ZPLD1: variants seen among roughly 807,000 people sequenced by gnomAD.
ZPLD1 encodes the protein zona pellucida-like domain-containing protein 1.
A neutral mutation model predicts 47.2 loss-of-function variants in ZPLD1; 34 were observed. The observed-to-expected ratio is 0.72, with a 90% CI of 0.55 to 0.96. The LOEUF (loss-of-function observed/expected upper bound fraction) is 0.96. Ranked by LOEUF, ZPLD1 falls within the 40% of genes least tolerant of loss-of-function variation. The pLI, the probability that ZPLD1 is intolerant of heterozygous loss-of-function variation, is 0.00. For synonymous variants in ZPLD1, 176 were observed against 186.2 expected, an observed-to-expected ratio of 0.95 and a Z score of 0.45; for missense variants, 512 against 505.8, an observed-to-expected ratio of 1.01 and a Z score of -0.12.
chr3:102,444,317 A>G (rs1474983466), intron 3 of ZPLD1, among the ~76,000 whole-genome samples: 2 of 152,194 alleles, frequency 1.3e-5, no homozygotes, highest in African/African-American at 4.8e-5. Flanking sequence ...AACGAGAAAC[A>G]GATGTTGTGA....
chr3:102,450,464 AC>A (rs1214090796), intron 3 of ZPLD1, among the ~76,000 whole-genome samples: 2 of 152,160 alleles, frequency 1.3e-5, no homozygotes, highest in Non-Finnish European at 2.9e-5. Flanking sequence ...GCATTTAAAG[AC>A]ATGAAAAATG....
chr3:102,406,366 C>T (rs1254086816), intron 7 of ZPLD1, among the ~76,000 whole-genome samples: 1 of 151,874 alleles, frequency 6.6e-6, no homozygotes, highest in East Asian at 1.9e-4. Context: ...CCTGTAATTG[C>T]AATATGTAAT....
chr3:102,407,442 T>TATATATATATATAC (rs1553708474), intron 7 of ZPLD1, among the ~76,000 whole-genome samples: 14 of 95,498 alleles, frequency 1.5e-4, no homozygotes, highest in Non-Finnish European at 2.2e-4. Context: ...TATATATATA[T>TATATATATATATAC]ACACACATAT....
chr3:102,463,777 C>T (rs910955880), intron 7 of ZPLD1, among the ~76,000 whole-genome samples: 4 of 151,776 alleles, frequency 2.6e-5, no homozygotes, highest in African/African-American at 7.3e-5. Context: ...CGGTGGCTCA[C>T]GCCTGTAATC....
At chr3:102,390,053 AC>A (rs1386378250) in intron 6 of ZPLD1, among the ~76,000 whole-genome samples, 1 of 152,124 alleles carries the variant, frequency 6.6e-6, no homozygotes, top group Non-Finnish European at 1.5e-5. Context: ...AATGTGTTAC[AC>A]CCTCCTTATG....
intron 6 of ZPLD1, among the ~76,000 whole-genome samples, chr3:102,387,088 T>A (rs1576120023): frequency 6.6e-6 from 1 of 152,286 alleles, no homozygotes. Context: ...TGTGTACTGG[T>A]TACTTCTGAT....
chr3:102,448,545 C>G (rs183918908), intron 3 of ZPLD1, among the ~76,000 whole-genome samples: 1 of 152,306 alleles, frequency 6.6e-6, no homozygotes, highest in Admixed American at 6.5e-5. Context: ...ATGTGTTTCT[C>G]TGAACACTAG....
upstream of ZPLD1, among the ~76,000 whole-genome samples, chr3:102,430,426 T>A (rs1477841247): frequency 6.6e-6 from 1 of 152,240 alleles, no homozygotes; most frequent in African/African-American, 2.4e-5. Context: ...GATTATTAAT[T>A]TAATAACTCC....
chr3:102,438,697 A>G, intron 3 of ZPLD1, 104 bp downstream of exon 3: 1 of 746,742 alleles, frequency 1.3e-6, no homozygotes, highest in African/African-American at 1.8e-5. Flanking sequence ...CTATCTCTTT[A>G]CATTAAGTGG....
intron 3 of ZPLD1, among the ~76,000 whole-genome samples, chr3:102,442,254 T>A (rs536697749): frequency 2.0e-5 from 3 of 151,908 alleles, no homozygotes; most frequent in Non-Finnish European, 2.9e-5. Flanking sequence ...CTTTAGGTAC[T>A]ATCTGGCTTA....
chr3:102,478,914 A>C lies in ZPLD1; in HGVS notation c.*1296A>C, dbSNP rs1707799505. 6.6e-6 allele frequency: 1 copy of C among 152,192 alleles called. No homozygotes were observed. Among genetic ancestry groups the C allele is most frequent in the South Asian group, 2.1e-4 (1 of 4,834 alleles). 9.4% of individuals were successfully genotyped at this position (152,192 alleles called of 1,614,324 possible). A position where few individuals can be genotyped will look rare whatever the true frequency, so the allele number is the denominator to read the frequency against. On this transcript the variant is annotated 3_prime_UTR_variant, in exon 12 of 12. Transcript: ENST00000466937. ...CTATAAGCAATTGCTGTAATCACTA[A>C]TTTCTATTCAACATTTGTGACCCAT... is the stretch of plus-strand genomic sequence containing the variant.
At chr3:102,437,419 GATTA>G (rs1707107029) in intron 2 of ZPLD1, among the ~76,000 whole-genome samples, 1 of 152,092 alleles carries the variant, frequency 6.6e-6, no homozygotes, top group Non-Finnish European at 1.5e-5. Context: ...CTAAAGACTT[GATTA>G]ATTATCTAAG....
chr3:102,391,587 G>A (rs572056611), intron 6 of ZPLD1, among the ~76,000 whole-genome samples: 56 of 152,172 alleles, frequency 3.7e-4, no homozygotes, highest in African/African-American at 1.3e-3. Flanking sequence ...ACCCCGTGGA[G>A]GAGCCACTGG....
At chr3:102,398,840 A>C (rs981727541) in intron 7 of ZPLD1, among the ~76,000 whole-genome samples, 1 of 152,138 alleles carries the variant, frequency 6.6e-6, no homozygotes, top group South Asian at 2.1e-4. Context: ...GCATATTTAT[A>C]CTGCTGCTAC....
At chr3:102,443,317 C>A (rs1471446991) in intron 3 of ZPLD1, among the ~76,000 whole-genome samples, 4 of 152,124 alleles carry the variant, frequency 2.6e-5, no homozygotes, top group Admixed American at 6.5e-5. Context: ...TTTTGAGTAC[C>A]AGGCACCTCA....
At chr3:102,430,584 G>T (rs1436699950), upstream of ZPLD1, among the ~76,000 whole-genome samples, 1 of 152,174 alleles carries the variant, frequency 6.6e-6, no homozygotes, top group Non-Finnish European at 1.5e-5. Flanking sequence ...ATCTCAAAGA[G>T]AGGAGTACTA....
rs1707808672 is a variant in ZPLD1, at chr3:102,479,596, G to T, written c.*1978G>T. ...TTTTTGCCACCCTTTCATCATAAATGGAAGAATCAGAGTTATAATGAGATA... is the reference window on the plus strand; with the variant it reads ...TTTTTGCCACCCTTTCATCATAAATTGAAGAATCAGAGTTATAATGAGATA... On this transcript the variant is annotated 3_prime_UTR_variant, in exon 12 of 12. Transcript: ENST00000466937. 1 of 152,084 alleles carries T rather than the reference G, an allele frequency of 6.6e-6. No homozygotes were observed. Among genetic ancestry groups the T allele is most frequent in the Admixed American group, 6.5e-5 (1 of 15,268 alleles). 9.4% of individuals were successfully genotyped at this position (152,084 alleles called of 1,614,324 possible).
At chr3:102,468,774 T>C (rs1374388584) in intron 8 of ZPLD1, among the ~76,000 whole-genome samples, 190 bp from the exon 9 acceptor site, 1 of 152,216 alleles carries the variant, frequency 6.6e-6, no homozygotes, top group Non-Finnish European at 1.5e-5. Flanking sequence ...CTGTTTAAAT[T>C]TTGTGATCCA....
At chr3:102,388,111 C>T (rs187429337) in intron 6 of ZPLD1, among the ~76,000 whole-genome samples, 155 of 152,196 alleles carry the variant, frequency 1.0e-3, no homozygotes, top group African/African-American at 3.3e-3. Flanking sequence ...CCGCCCGCCT[C>T]GGCCTCCCAA....
Sources: gnomAD v4.1 joint callset for allele counts (sites outside exome capture counted in the v4.1 genomes callset) on GRCh38, gnomAD v4.1.1 for gene constraint, MANE v1.5 for transcripts, NCBI Gene and HGNC (gene_info 2026-07-23, HGNC 2026-07-21) for gene names.